The following BRCA1 variants were observed in gnomAD, a reference collection of about 807,000 sequenced individuals.
BRCA1 encodes the protein BRCA1 DNA repair associated.
A neutral mutation model predicts 173.7 loss-of-function variants in BRCA1; 140 were observed. The observed-to-expected ratio is 0.81, with a 90% confidence interval of 0.70 to 0.93. The LOEUF is 0.93. Among genes scored for constraint, BRCA1 ranks in the 40% least tolerant of loss-of-function variants. BRCA1 has a pLI of 0.00. For missense variants in BRCA1, 1,983 were observed against 2,172.5 expected, an observed-to-expected ratio of 0.91 and a Z score of 1.73; for synonymous variants, 662 against 756.0, an observed-to-expected ratio of 0.88 and a Z score of 2.04.
At chr17:43,147,723 A>G (rs1232414389) in intron 1 of BRCA1, among the ~76,000 whole-genome samples, 3 of 152,224 alleles carry the variant, frequency 2.0e-5, no homozygotes, top group Non-Finnish European at 4.4e-5. Context: ...TAAATAATAA[A>G]TAAATAAAAA....
chr17:43,055,450 C>T (rs973840466), intron 19 of BRCA1, among the ~76,000 whole-genome samples: 1 of 151,828 alleles, frequency 6.6e-6, no homozygotes, highest in East Asian at 1.9e-4. Context: ...GAGATCAAGG[C>T]CAGCCTGGCC....
chr17:43,149,116 C>G (rs533801427), intron 1 of BRCA1, among the ~76,000 whole-genome samples: 2 of 151,586 alleles, frequency 1.3e-5, no homozygotes, highest in South Asian at 2.1e-4. Context: ...TTTTCCCCCC[C>G]GAGACAGAGT....
intron 8 of BRCA1, among the ~76,000 whole-genome samples, chr17:43,096,622 A>G (rs1597883254): frequency 6.6e-6 from 1 of 151,532 alleles, no homozygotes; most frequent in East Asian, 1.9e-4. Context: ...TAAGGAAGGT[A>G]GGTAACATAG....
At chr17:43,130,976 T>G (rs1293617214) in intron 1 of BRCA1, among the ~76,000 whole-genome samples, 1 of 152,256 alleles carries the variant, frequency 6.6e-6, no homozygotes, top group Non-Finnish European at 1.5e-5. Flanking sequence ...ATGAATTTTA[T>G]GTATACTTTT....
At chr17:43,110,427 AAC>A in intron 3 of BRCA1, 1 of 281,656 alleles carries the variant, frequency 3.6e-6, no homozygotes, top group South Asian at 3.1e-5. Context: ...CTCTACAGAA[AAC>A]ACAAAATTTA....
At chr17:43,125,182 C>T (rs2055819951) in intron 1 of BRCA1, 89 bp downstream of exon 1, 1 of 455,338 alleles carries the variant, frequency 2.2e-6, no homozygotes, top group Non-Finnish European at 4.4e-6. Flanking sequence ...CAAAGAATAC[C>T]CATCTGTCAG....
intron 3 of BRCA1, among the ~76,000 whole-genome samples, chr17:43,113,099 G>A (rs755379641): frequency 2.6e-5 from 4 of 152,072 alleles, no homozygotes; most frequent in East Asian, 1.9e-4. Flanking sequence ...CACCGTGCCC[G>A]GCCTCAACAG....
At chr17:43,156,071 T>C (rs2056195013) in intron 1 of BRCA1, among the ~76,000 whole-genome samples, 1 of 152,006 alleles carries the variant, frequency 6.6e-6, no homozygotes, top group African/African-American at 2.4e-5. Context: ...ACCCCGCCTC[T>C]GCTAAAACTA....
intron 12 of BRCA1, 134 bp downstream of exon 12, chr17:43,082,270 C>G: frequency 9.7e-7 from 1 of 1,028,052 alleles, no homozygotes; most frequent in Non-Finnish European, 1.4e-6. Flanking sequence ...GGACAAGAAC[C>G]AAGGCTCCAT....
intron 19 of BRCA1, among the ~76,000 whole-genome samples, chr17:43,052,800 C>T (rs2051300563): frequency 8.8e-6 from 1 of 113,106 alleles, no homozygotes; most frequent in Non-Finnish European, 2.0e-5. Context: ...CACACACACA[C>T]ACACACACAC....
rs768001441 is a variant in BRCA1, at chr17:43,092,967, T to A, written c.2564A>T (p.Gln855Leu). ...IEMEESELDA[Q>L]YLQNTFKVSK... ...AACCTTGAATGTATTCTGCAAATAC[T>A]GAGCATCAAGTTCACTTTCTTCCAT... Residue 855 changes from glutamine (Q) to leucine (L), a missense_variant, in exon 10 of 23, where the codon CAG becomes CTG. Physicochemically the swap from Gln to Leu is moderately radical, Grantham distance 113. Transcript: ENST00000357654. 1.2e-6 allele frequency: 2 copies of A among 1,613,508 alleles called. No individual in the cohort carries two copies. Among genetic ancestry groups the A allele is most frequent in the Non-Finnish European group, 1.7e-6 (2 of 1,179,606 alleles).
Position 43,092,364 on chromosome 17 carries a change from G to T in BRCA1, c.3167C>A (p.Ser1056Tyr), listed in dbSNP as rs587781588. Residue 1056 changes from serine (S) to tyrosine (Y), a missense_variant, in exon 10 of 23, where the codon TCC becomes TAC. Coordinates refer to ENST00000357654, the MANE Select transcript of BRCA1 (RefSeq NM_007294.4). ...ACTGGAACCTATTTCATTAATACTGGAGCCCACTTCATTAGTACTGGAACC... is the reference window on the plus strand; with the variant it reads ...ACTGGAACCTATTTCATTAATACTGTAGCCCACTTCATTAGTACTGGAACC... ...EVGSSTNEVGSSINEIGSSDE... is the reference protein window; with the variant it reads ...EVGSSTNEVGYSINEIGSSDE... 6.2e-7 allele frequency: 1 copy of T among 1,613,642 alleles called. No individual in the cohort carries two copies. Among genetic ancestry groups the T allele is most frequent in the Admixed American group, 1.7e-5 (1 of 59,948 alleles).
chr17:43,072,943 T>C (rs923070398), intron 14 of BRCA1, among the ~76,000 whole-genome samples: 1 of 151,668 alleles, frequency 6.6e-6, no homozygotes, highest in African/African-American at 2.4e-5. Flanking sequence ...TCTTGAACTC[T>C]TGGCCTCGAG....
chr17:43,127,752 C>T (rs1188090352), upstream of BRCA1, among the ~76,000 whole-genome samples: 7 of 152,080 alleles, frequency 4.6e-5, no homozygotes, highest in East Asian at 1.9e-4. Flanking sequence ...CGCTGGGTGC[C>T]AGTGGCTCAC....
chr17:43,057,269 G>A, intron 18 of BRCA1, 134 bp from the exon 19 acceptor site: 1 of 809,886 alleles, frequency 1.2e-6, no homozygotes, highest in Non-Finnish European at 2.2e-6. Flanking sequence ...TAGCACTTTG[G>A]GAGACTGAGG....
At chr17:43,055,909 C>T (rs2051436630) in intron 19 of BRCA1, among the ~76,000 whole-genome samples, 1 of 152,154 alleles carries the variant, frequency 6.6e-6, no homozygotes, top group Non-Finnish European at 1.5e-5. Context: ...CACTGCACTC[C>T]AGCCTGGGTG....
intron 1 of BRCA1, chr17:43,161,534 G>A (rs575079322): frequency 1.3e-5 from 2 of 152,218 alleles, no homozygotes; most frequent in African/African-American, 4.8e-5. Context: ...CACATATCCA[G>A]TATAGCCCAG....
intron 1 of BRCA1, among the ~76,000 whole-genome samples, chr17:43,139,503 C>A (rs1470358766): frequency 6.6e-6 from 1 of 152,008 alleles, no homozygotes; most frequent in African/African-American, 2.4e-5. Flanking sequence ...ACTGCAGGTG[C>A]CTGCCACCAC....
At chr17:43,149,812 G>A (rs182462988) in intron 1 of BRCA1, among the ~76,000 whole-genome samples, 5 of 151,688 alleles carry the variant, frequency 3.3e-5, no homozygotes, top group African/African-American at 9.7e-5. Context: ...TTTTTGAGAC[G>A]GAGTCTTGCT....
Sources: allele counts gnomAD v4.1 joint callset (sites outside exome capture counted in the v4.1 genomes callset), GRCh38; gene constraint gnomAD v4.1.1; transcripts MANE v1.5; gene names NCBI Gene and HGNC (gene_info 2026-07-23, HGNC 2026-07-21).